Variants in TRPM3 observed in about 807,000 individuals in gnomAD.
TRPM3 encodes long transient receptor potential channel 3.
TRPM3 carries 77 observed loss-of-function variants against 181.2 expected under a neutral mutation model. The ratio of observed to expected loss-of-function variants is 0.42; its 90% CI spans 0.35 to 0.51. The LOEUF (loss-of-function observed/expected upper bound fraction) is 0.51. Among genes scored for constraint, TRPM3 ranks in the 20% least tolerant of loss-of-function variants. TRPM3 has a pLI of 0.01. For synonymous variants in TRPM3, 745 were observed against 796.4 expected (o/e 0.94, Z 1.09); for missense variants, 1,759 against 2,196.7 (o/e 0.80, Z 3.98).
chr9:71,025,225 T>C (rs1043069495), intron 1 of TRPM3, among the ~76,000 whole-genome samples: 1 of 152,256 alleles, frequency 6.6e-6, no homozygotes, highest in Non-Finnish European at 1.5e-5. Flanking sequence ...CATCTTATTT[T>C]GCAATTCCCT....
chr9:71,049,679 C>T (rs2059849083), intron 1 of TRPM3, among the ~76,000 whole-genome samples: 1 of 152,100 alleles, frequency 6.6e-6, no homozygotes, highest in Non-Finnish European at 1.5e-5. Flanking sequence ...GCCATTTCTA[C>T]CTTGCCTGGT....
intron 6 of TRPM3, among the ~76,000 whole-genome samples, chr9:70,823,034 G>T (rs1407180488): frequency 4.6e-5 from 7 of 152,064 alleles, no homozygotes; most frequent in Non-Finnish European, 1.0e-4. Flanking sequence ...ACCATCTGCC[G>T]TGGCCTGCTC....
intron 1 of TRPM3, among the ~76,000 whole-genome samples, chr9:71,353,732 T>A (rs1397431922): frequency 6.6e-6 from 1 of 152,206 alleles, no homozygotes; most frequent in Non-Finnish European, 1.5e-5. Context: ...AAGTTTCCCT[T>A]CTTTTGTAAA....
chr9:71,056,215 C>G (rs1414164751), intron 1 of TRPM3, among the ~76,000 whole-genome samples: 1 of 151,964 alleles, frequency 6.6e-6, no homozygotes. Flanking sequence ...ATATTATATT[C>G]TAGTGTTTAC....
rs7868226 is a variant in TRPM3 at position 71,406,911 on chromosome 9, G to C, written c.183+39742C>G. 8.3e-3 allele frequency among the ~76,000 whole-genome samples: 1,263 copies of C among 152,172 alleles called. 16 individuals carry two copies. Among genetic ancestry groups the C allele is most frequent in the African/African-American group, 0.025 (1,058 of 41,530 alleles). ...TCAGGCTTAATATGGGGAATTCAGG[G>C]GCCAGTATCAGCGCTGCAAAGAAGC... On this transcript the variant is annotated intron_variant, in intron 1 of 24. Coordinates refer to the TRPM3 transcript ENST00000357533.
intron 1 of TRPM3, among the ~76,000 whole-genome samples, chr9:71,053,449 G>A (rs1408774603): frequency 6.6e-6 from 1 of 152,108 alleles, no homozygotes; most frequent in Admixed American, 6.6e-5. Flanking sequence ...GTGGCCCTGA[G>A]AAGTTAAGGT....
intron 22 of TRPM3, among the ~76,000 whole-genome samples, chr9:70,554,451 T>C (rs750765508): frequency 2.2e-4 from 34 of 151,942 alleles, no homozygotes; most frequent in Non-Finnish European, 3.8e-4. Context: ...TCGGCTGGAG[T>C]ACTTGGCAAG....
At chr9:70,841,624 CTATATATATATATATATATA>C (rs72421594) in intron 5 of TRPM3, among the ~76,000 whole-genome samples, 6 of 72,916 alleles carry the variant, frequency 8.2e-5, no homozygotes, top group Non-Finnish European at 1.6e-4. Flanking sequence ...CTATATCCCA[CTATATATATATATATATATA>C]TATATATATA....
intron 1 of TRPM3, among the ~76,000 whole-genome samples, chr9:71,128,193 G>C (rs1028683568): frequency 6.6e-6 from 1 of 152,148 alleles, no homozygotes; most frequent in Non-Finnish European, 1.5e-5. Flanking sequence ...AAAATAGATA[G>C]TGGTTATGAG....
intron 1 of TRPM3, among the ~76,000 whole-genome samples, chr9:71,064,890 GAGATTATGTTCA>G (rs1264169940): frequency 3.2e-4 from 48 of 152,116 alleles, no homozygotes; most frequent in African/African-American, 1.1e-3. Flanking sequence ...CTTGCAGGCT[GAGATTATGTTCA>G]AGTGTCTGGG....
chr9:70,973,886 T>G (rs895669624), intron 1 of TRPM3, among the ~76,000 whole-genome samples: 1 of 152,224 alleles, frequency 6.6e-6, no homozygotes, highest in African/African-American at 2.4e-5. Context: ...TACAACTTCT[T>G]ACCAACAGAC....
chr9:70,758,280 G>A (rs2077449349), intron 8 of TRPM3, among the ~76,000 whole-genome samples: 1 of 152,164 alleles, frequency 6.6e-6, no homozygotes, highest in African/African-American at 2.4e-5. Flanking sequence ...CAAGGGATGT[G>A]AAGGACCTAT....
chr9:71,254,758 C>A (rs1399635464), intron 1 of TRPM3, among the ~76,000 whole-genome samples: 3 of 152,154 alleles, frequency 2.0e-5, no homozygotes, highest in South Asian at 4.2e-4. Context: ...TTTGCATAAC[C>A]TTTATGTGTA....
At chr9:71,267,698 C>T (rs991140476) in intron 1 of TRPM3, among the ~76,000 whole-genome samples, 10 of 152,126 alleles carry the variant, frequency 6.6e-5, no homozygotes, top group Non-Finnish European at 1.5e-4. Flanking sequence ...ATTAATTATA[C>T]TTTTATTTTT....
chr9:70,985,850 G>T (rs1166443806), intron 1 of TRPM3, among the ~76,000 whole-genome samples: 1 of 152,130 alleles, frequency 6.6e-6, no homozygotes, highest in African/African-American at 2.4e-5. Flanking sequence ...TGAGGCACTG[G>T]GTGGAGTACA....
In TRPM3 at chr9:70,535,617, C is replaced by T. The variant is rs964053733; in HGVS notation, c.*336G>A. 1.2e-5 allele frequency: 18 copies of T among 1,465,790 alleles called. 2 individuals carry two copies. The highest frequency in any genetic ancestry group is 7.1e-5 in the South Asian group (5 of 70,112). The allele number at this position is 1,465,790 out of a possible 1,614,324, so 90.8% of individuals were successfully genotyped here. On this transcript the variant is annotated 3_prime_UTR_variant, in exon 26 of 26. Coordinates refer to ENST00000677713, the MANE Select transcript of TRPM3 (RefSeq NM_001366145.2). ...TCAACAGATGCCTCCTGGCATGGAGCGTGCTCGAAGCCCCTTGTTTCCCCT... is the reference window on the plus strand; with the variant it reads ...TCAACAGATGCCTCCTGGCATGGAGTGTGCTCGAAGCCCCTTGTTTCCCCT...
intron 22 of TRPM3, among the ~76,000 whole-genome samples, chr9:70,566,653 T>C (rs939242632): frequency 6.6e-6 from 1 of 152,238 alleles, no homozygotes; most frequent in Non-Finnish European, 1.5e-5. Context: ...TCATGATTTC[T>C]ATTTTCCCCA....
chr9:71,385,164 A>G (rs2092897431), intron 1 of TRPM3, among the ~76,000 whole-genome samples: 1 of 152,182 alleles, frequency 6.6e-6, no homozygotes, highest in African/African-American at 2.4e-5. Flanking sequence ...TTTGTTCTTG[A>G]AGTTTTGAAG....
At chr9:70,745,727 T>C (rs182445450) in intron 8 of TRPM3, among the ~76,000 whole-genome samples, 305 of 152,300 alleles carry the variant, frequency 2.0e-3, no homozygotes, top group African/African-American at 7.0e-3. Context: ...TGTTTTGTCA[T>C]TGGTGTTAAA....
Sources: gnomAD v4.1 joint callset for allele counts (sites outside exome capture counted in the v4.1 genomes callset) on GRCh38, gnomAD v4.1.1 for gene constraint, MANE v1.5 for transcripts, NCBI Gene and HGNC (gene_info 2026-07-23, HGNC 2026-07-21) for gene names.